Variants in ZNF574 observed in about 807,000 individuals in gnomAD.
ZNF574 encodes zinc finger protein 574.
In ZNF574, 25 loss-of-function variants were observed where a neutral mutation model predicts 56.6. The ratio of observed to expected loss-of-function variants is 0.44; its 90% CI spans 0.32 to 0.62. ZNF574 has a LOEUF of 0.62. ZNF574 is among the 20% of genes least tolerant of loss of function. The probability of loss-of-function intolerance (pLI) is 0.04; values close to 1 mark genes in which losing one functional copy is unlikely to be tolerated. For synonymous variants in ZNF574, 543 were observed against 492.1 expected (o/e 1.10, Z -1.37); for missense variants, 1,065 against 1,218.9 (o/e 0.87, Z 1.88).
chr19:42,079,870 A>C lies in ZNF574; in HGVS notation c.1264A>C (p.Thr422Pro), dbSNP rs772709187. 6.2e-7 allele frequency: 1 copy of C among 1,614,078 alleles called. No individual in the cohort carries two copies. Among genetic ancestry groups the C allele is most frequent in the Non-Finnish European group, 8.5e-7 (1 of 1,180,010 alleles). ...TGGGGTAGGGGGTGTCCCTCTGCCC[A>C]CAACACCAGTCCCACCAGAGGAACC... ...THGVGGVPLP[T>P]TPVPPEEPVI... Residue 422 changes from threonine (T) to proline (P), a missense_variant, in exon 2 of 2, where the codon ACA becomes CCA. Transcript: ENST00000359044. The surrounding 1 kb of genome is among the most constrained non-coding windows in gnomAD (Gnocchi z 4.3).
In ZNF574 at chr19:42,078,666, G is replaced by C. The variant is rs762110921; in HGVS notation, c.60G>C (p.Glu20Asp). 1.4e-5 allele frequency: 23 copies of C among 1,614,002 alleles called. No individual in the cohort carries two copies. The South Asian group carries it at 2.4e-4, about 17-fold the overall frequency. Residue 20 changes from glutamate to aspartate, a missense_variant, in exon 2 of 2, where the codon GAG (glutamate) becomes GAC (aspartate). Transcript: ENST00000359044. ...LYIEHRYVCSECNQLYGSLEE... is the reference protein window; with the variant it reads ...LYIEHRYVCSDCNQLYGSLEE... The stretch of plus-strand genomic sequence containing the variant: ...TTGAGCACCGCTATGTCTGCTCTGA[G>C]TGCAACCAGCTGTATGGATCACTGG...
In ZNF574 at chr19:42,081,418, CTAAAT is replaced by C; in HGVS notation, c.*123_*127del. ...TCCCATCCCCACCACCTTGTAAGTT[CTAAAT>C]TGGATTTATTCTCTCGTGAGGGGGG... On this transcript the variant is annotated 3_prime_UTR_variant, in exon 2 of 2. Transcript: ENST00000359044. The C allele has an allele frequency of 7.5e-7, 1 of 1,334,388 alleles. No homozygotes were observed. The highest frequency in any genetic ancestry group is 2.4e-5 in the East Asian group (1 of 41,608). The allele number at this position is 1,334,388 out of a possible 1,614,324, so 82.7% of individuals were successfully genotyped here.
chr19:42,069,999 G>A (rs1352585884), intron 1 of ZNF574, among the ~76,000 whole-genome samples: 1 of 151,902 alleles, frequency 6.6e-6, no homozygotes, highest in East Asian at 1.9e-4. Context: ...GGAGGGTGGG[G>A]TGTCCCAGGG....
Position 42,068,961 on chromosome 19 carries a change from GGTAA to G in ZNF574, c.250+3_250+6del, listed in dbSNP as rs1439716274. On this transcript the variant is annotated splice_donor_variant and splice_donor_region_variant and intron_variant, in intron 1 of 1. Coordinates refer to the ZNF574 transcript ENST00000222339. LOFTEE classifies it high-confidence loss of function. ...GGGCACGGACATGCCAGGGGCCCGG[GGTAA>G]GTGAGAGCCCAAGTAAGAGCAATCA... 2 of 602,692 alleles carry G rather than the reference GGTAA, an allele frequency of 3.3e-6. No homozygotes were observed. The highest frequency in any genetic ancestry group is 6.0e-6 in the Non-Finnish European group (2 of 334,628). 37.3% of individuals were successfully genotyped at this position (602,692 alleles called of 1,614,324 possible). A position where few individuals can be genotyped will look rare whatever the true frequency, so the allele number is the denominator to read the frequency against.
rs761869365 is a variant in ZNF574, at chr19:42,079,087, G to A, written c.481G>A (p.Val161Ile). ...ATPTKAPAPV[V>I]LGSPVVLGPP... ...ACCCACCAAGGCTCCTGCCCCTGTT[G>A]TCCTGGGGTCCCCAGTTGTTCTAGG... Residue 161 changes from valine (V) to isoleucine (I), a missense_variant, in exon 2 of 2, where the codon GTC becomes ATC. Transcript: ENST00000359044. This position sits in a 1 kb window ranked among gnomAD's most constrained non-coding sequence, Gnocchi z 4.3. 40 of 1,614,038 alleles carry A rather than the reference G, an allele frequency of 2.5e-5. No homozygotes were observed. Among genetic ancestry groups the A allele is most frequent in the Non-Finnish European group, 3.1e-5 (37 of 1,180,020 alleles).
Position 42,078,580 on chromosome 19 carries a change from C to T in ZNF574, c.-20-7C>T. ...AACTGGTTTGTCCCCACTGTCTCCT[C>T]TTCCAGCCCAGGGCCTTGCTGCCGC... On this transcript the variant is annotated splice_region_variant and splice_polypyrimidine_tract_variant and intron_variant, in intron 1 of 1. Coordinates refer to ENST00000359044, the MANE Select transcript of ZNF574 (RefSeq NM_022752.6). 6.3e-7 allele frequency: 1 copy of T among 1,596,722 alleles called. No individual in the cohort carries two copies. The highest frequency in any genetic ancestry group is 8.6e-7 in the Non-Finnish European group (1 of 1,168,652).
chr19:42,080,980 C>T lies in ZNF574; in HGVS notation c.2374C>T (p.Arg792Trp). 1.2e-6 allele frequency: 2 copies of T among 1,614,226 alleles called. No individual in the cohort carries two copies. The highest frequency in any genetic ancestry group is 1.7e-6 in the Non-Finnish European group (2 of 1,180,054). The change falls in exon 2 of 2, where the codon CGG becomes TGG. Residue 792 changes from arginine (R) to tryptophan (W), a missense_variant. Transcript: ENST00000359044. The surrounding 1 kb of genome is among the most constrained non-coding windows in gnomAD (Gnocchi z 8.5). ...CCACCGGCGCCTGCACACAGGTGAG[C>T]GGCCCTTTGCCTGTGAAGTGTGTGG... ...KDHRRLHTGE[R>W]PFACEVCGKA...
At chr19:42,076,978 C>T (rs548112466) in intron 1 of ZNF574, among the ~76,000 whole-genome samples, 3 of 152,018 alleles carry the variant, frequency 2.0e-5, no homozygotes, top group African/African-American at 2.4e-5. Context: ...GTCTGGGTGT[C>T]CCTAGAATGA....
At chr19:42,077,112 A>G (rs1305734605) in intron 1 of ZNF574, among the ~76,000 whole-genome samples, 1 of 151,886 alleles carries the variant, frequency 6.6e-6, no homozygotes, top group African/African-American at 2.4e-5. Flanking sequence ...GGTGCCTGGG[A>G]ATTCCTGGAA....
rs1360748657 is a variant in ZNF574, at chr19:42,078,892, G to C, written c.286G>C (p.Glu96Gln). The C allele has an allele frequency of 2.5e-6, 4 of 1,614,086 alleles. No individual in the cohort carries two copies. In the South Asian group the frequency reaches 4.4e-5, roughly 18 times the overall value. Residue 96 changes from glutamate (E) to glutamine (Q), a missense_variant, in exon 2 of 2, where the codon GAG becomes CAG. Glu to Gln is a conservative substitution (Grantham distance 29). Coordinates refer to ENST00000359044, the MANE Select transcript of ZNF574 (RefSeq NM_022752.6). ...ACCCAGCCAGCTCCTGGAGCACCAG[G>C]AGCTGCACCTGAAGATGATGGCACC... Reference protein sequence around the residue: ...MSPSQLLEHQELHLKMMAPQE... With the variant: ...MSPSQLLEHQQLHLKMMAPQE...
At position 42,080,750 on chromosome 19, in the gene ZNF574, T is replaced by C; in HGVS notation, c.2144T>C (p.Val715Ala). Residue 715 changes from valine to alanine, a missense_variant, in exon 2 of 2, where the codon GTT becomes GCT. By Grantham distance (64) the Val-to-Ala change is moderately conservative. Coordinates refer to ENST00000359044, the MANE Select transcript of ZNF574 (RefSeq NM_022752.6). The surrounding 1 kb of genome is among the most constrained non-coding windows in gnomAD (Gnocchi z 8.5). Reference protein sequence around the residue: ...PRAPRATRAPVASPAALGSTA... With the variant: ...PRAPRATRAPAASPAALGSTA... The stretch of plus-strand genomic sequence containing the variant: ...GCCCCACGGGCCACTCGTGCACCAG[T>C]TGCCTCTCCAGCAGCCCTTGGAAGC... 3 of 1,613,898 alleles carry C rather than the reference T, an allele frequency of 1.9e-6. No homozygotes were observed. The highest frequency in any genetic ancestry group is 1.1e-5 in the South Asian group (1 of 91,088).
intron 1 of ZNF574, chr19:42,070,396 G>A: frequency 6.5e-6 from 1 of 153,098 alleles, no homozygotes; most frequent in Non-Finnish European, 1.5e-5. Flanking sequence ...TTGGATGGAA[G>A]GCCCACCCCC....
At chr19:42,072,560 C>G (rs115630984), upstream of ZNF574, among the ~76,000 whole-genome samples, 1,004 of 148,546 alleles carry the variant, frequency 6.8e-3, 14 homozygotes, top group African/African-American at 0.024. Flanking sequence ...TTTATTTTTT[C>G]TTTCTTTCTT....
chr19:42,076,695 G>A (rs1323107511), intron 1 of ZNF574, among the ~76,000 whole-genome samples: 2 of 152,322 alleles, frequency 1.3e-5, no homozygotes, highest in East Asian at 1.9e-4. Context: ...AGGGGCTTAG[G>A]GCGTGAGAAA....
intron 1 of ZNF574, chr19:42,070,847 CGAA>C (rs2076413367): frequency 6.6e-6 from 1 of 152,570 alleles, no homozygotes; most frequent in Non-Finnish European, 1.5e-5. Context: ...CAAGGAGAGC[CGAA>C]GAAGGTCACA....
At chr19:42,077,252 G>C (rs1022900242) in intron 1 of ZNF574, among the ~76,000 whole-genome samples, 3 of 152,074 alleles carry the variant, frequency 2.0e-5, no homozygotes, top group Non-Finnish European at 2.9e-5. Flanking sequence ...TTCTGTATGA[G>C]AATAGGAGGT....
At chr19:42,073,842 A>G (rs1435008722), upstream of ZNF574, among the ~76,000 whole-genome samples, 2 of 146,588 alleles carry the variant, frequency 1.4e-5, no homozygotes, top group Middle Eastern at 3.5e-3. Context: ...AAAAAAAAAA[A>G]TTAGGGACTG....
chr19:42,073,528 A>C (rs1417827698), upstream of ZNF574, among the ~76,000 whole-genome samples: 5 of 151,750 alleles, frequency 3.3e-5, no homozygotes, highest in South Asian at 1.0e-3. Flanking sequence ...CTCTATAAAA[A>C]AAAAAAAAAA....
rs202122904 is a variant in ZNF574, at chr19:42,079,592, G to A, written c.986G>A (p.Arg329Gln). ...LSPHQLQQHL[R>Q]SHREGVFKCP... The stretch of plus-strand genomic sequence containing the variant: ...CCCCACCAGCTACAGCAGCACCTGC[G>A]GAGTCACCGGGAGGGCGTCTTTAAG... The change falls in exon 2 of 2, where the codon CGG becomes CAG. Residue 329 changes from arginine to glutamine, a missense_variant. Arg to Gln is a conservative substitution (Grantham distance 43). Transcript: ENST00000359044. This position sits in a 1 kb window ranked among gnomAD's most constrained non-coding sequence, Gnocchi z 4.3. 2.0e-5 allele frequency: 33 copies of A among 1,614,150 alleles called. No homozygotes were observed. Among genetic ancestry groups the A allele is most frequent in the East Asian group, 6.7e-5 (3 of 44,882 alleles).
Sources: allele counts gnomAD v4.1 joint callset (sites outside exome capture counted in the v4.1 genomes callset), GRCh38; gene constraint gnomAD v4.1.1; non-coding constraint Gnocchi (gnomAD v3.1); transcripts MANE v1.5; gene names NCBI Gene and HGNC (gene_info 2026-07-23, HGNC 2026-07-21).